The following TNFSF4 variants were observed in gnomAD, a reference collection of about 807,000 sequenced individuals.
The protein encoded by TNFSF4 is TNF superfamily member 4, also known as tumor necrosis factor ligand superfamily member 4.
TNFSF4 carries 4 observed loss-of-function variants against 7.3 expected under a neutral mutation model. That is an observed-to-expected ratio of 0.55 (90% CI 0.27 to 1.25). The LOEUF (loss-of-function observed/expected upper bound fraction) is 1.25. TNFSF4 is among the 50% of genes most tolerant of loss of function. The pLI is 0.12. For synonymous variants in TNFSF4, 76 were observed against 83.7 expected (o/e 0.91, Z 0.50); for missense variants, 181 against 208.8 (o/e 0.87, Z 0.82).
chr1:173,394,923 T>C, the TNFSF4 span, among the ~76,000 whole-genome samples: 2 of 148,360 alleles, frequency 1.3e-5, no homozygotes, highest in Non-Finnish European at 3.0e-5. Context: ...TAGATAGAGA[T>C]AGATAGATAG....
At position 173,184,598 on chromosome 1, in the gene TNFSF4, C is replaced by A. The variant is rs771499278; in HGVS notation, c.*1918G>T. ...ATTCCAAACTTAAAAATGAACCATG[C>A]ATTTTCTTAAATATTACCTATAGTC... On this transcript the variant is annotated 3_prime_UTR_variant, in exon 3 of 3. Transcript: ENST00000281834. 2 of 152,158 alleles carry A rather than the reference C, an allele frequency of 1.3e-5. No homozygotes were observed. Among genetic ancestry groups the A allele is most frequent in the Non-Finnish European group, 2.9e-5 (2 of 68,018 alleles). 9.4% of individuals were successfully genotyped at this position (152,158 alleles called of 1,614,324 possible).
the TNFSF4 span, among the ~76,000 whole-genome samples, chr1:173,250,281 T>C: frequency 3.3e-5 from 5 of 152,212 alleles, no homozygotes; most frequent in Non-Finnish European, 7.3e-5. Flanking sequence ...GGTGAATTCT[T>C]AGTTTAACTT....
chr1:173,383,599 G>C, the TNFSF4 span, among the ~76,000 whole-genome samples: 1 of 152,172 alleles, frequency 6.6e-6, no homozygotes, highest in Non-Finnish European at 1.5e-5. Context: ...TATTAAACCA[G>C]TTATTCTCAG....
the TNFSF4 span, among the ~76,000 whole-genome samples, chr1:173,340,342 A>G: frequency 6.6e-6 from 1 of 151,386 alleles, no homozygotes; most frequent in Admixed American, 6.6e-5. Flanking sequence ...ACACACACAC[A>G]CACACACACA....
chr1:173,429,963 T>A, the TNFSF4 span, among the ~76,000 whole-genome samples: 1 of 152,194 alleles, frequency 6.6e-6, no homozygotes, highest in Non-Finnish European at 1.5e-5. Flanking sequence ...AGATTGCTAC[T>A]CCTTATGAAG....
the TNFSF4 span, among the ~76,000 whole-genome samples, chr1:173,445,431 G>A: frequency 6.6e-6 from 1 of 152,280 alleles, no homozygotes; most frequent in East Asian, 1.9e-4. Context: ...TTAAGCTGAA[G>A]AACATAGAAA....
chr1:173,266,062 G>A, the TNFSF4 span, among the ~76,000 whole-genome samples: 9 of 151,998 alleles, frequency 5.9e-5, no homozygotes, highest in Admixed American at 1.3e-4. Context: ...AAACTATCCC[G>A]GATCACATGC....
chr1:173,381,558 C>T, the TNFSF4 span, among the ~76,000 whole-genome samples: 1 of 152,188 alleles, frequency 6.6e-6, no homozygotes, highest in African/African-American at 2.4e-5. Context: ...AATGGAACCC[C>T]AAATGAGCTC....
chr1:173,406,058 G>A, the TNFSF4 span, among the ~76,000 whole-genome samples: 1 of 152,160 alleles, frequency 6.6e-6, no homozygotes, highest in African/African-American at 2.4e-5. Context: ...GGTAAGGAGG[G>A]TGGGCCCAGA....
the TNFSF4 span, among the ~76,000 whole-genome samples, chr1:173,366,994 T>G: frequency 2.0e-5 from 3 of 152,218 alleles, no homozygotes; most frequent in African/African-American, 7.2e-5. Context: ...GGAGGGGCCC[T>G]CGCATGAGTA....
the TNFSF4 span, among the ~76,000 whole-genome samples, chr1:173,420,080 T>C: frequency 6.6e-6 from 1 of 152,212 alleles, no homozygotes; most frequent in Non-Finnish European, 1.5e-5. Context: ...ATTTTTTTTC[T>C]TTTTTCTTTG....
chr1:173,192,555 G>C (rs918571018), intron 1 of TNFSF4, among the ~76,000 whole-genome samples: 1 of 152,214 alleles, frequency 6.6e-6, no homozygotes, highest in Non-Finnish European at 1.5e-5. Context: ...CCAGGGGTTA[G>C]GAATGGGGGA....
chr1:173,416,241 A>G, the TNFSF4 span, among the ~76,000 whole-genome samples: 1 of 152,184 alleles, frequency 6.6e-6, no homozygotes, highest in East Asian at 1.9e-4. Context: ...GGTCTGCCCA[A>G]TATGTCACAG....
chr1:173,298,258 C>T, the TNFSF4 span, among the ~76,000 whole-genome samples: 1 of 151,890 alleles, frequency 6.6e-6, no homozygotes, highest in East Asian at 1.9e-4. Flanking sequence ...CAAAACTAAA[C>T]AAATACAGTG....
chr1:173,246,923 G>A, the TNFSF4 span, among the ~76,000 whole-genome samples: 1 of 152,068 alleles, frequency 6.6e-6, no homozygotes, highest in African/African-American at 2.4e-5. Context: ...GCCAAACTTG[G>A]CAGTATCTCT....
At chr1:173,336,519 T>G in the TNFSF4 span, among the ~76,000 whole-genome samples, 2 of 152,126 alleles carry the variant, frequency 1.3e-5, no homozygotes, top group African/African-American at 4.8e-5. Flanking sequence ...CAGAAGTAGT[T>G]TCAAGCAGTT....
At chr1:173,214,690 G>A in the TNFSF4 span, among the ~76,000 whole-genome samples, 40 of 152,308 alleles carry the variant, frequency 2.6e-4, no homozygotes, top group Admixed American at 2.6e-4. Flanking sequence ...CACAGGCCAC[G>A]GGTTGAACAA....
the TNFSF4 span, among the ~76,000 whole-genome samples, chr1:173,348,641 T>G: frequency 2.0e-5 from 3 of 152,122 alleles, no homozygotes; most frequent in Non-Finnish European, 4.4e-5. Flanking sequence ...GAAAAGCTAA[T>G]AAAGTGTATA....
the TNFSF4 span, among the ~76,000 whole-genome samples, chr1:173,351,393 C>T: frequency 6.6e-6 from 1 of 152,180 alleles, no homozygotes; most frequent in African/African-American, 2.4e-5. Flanking sequence ...TACTCTGTCA[C>T]AACATTTCTC....
Sources: allele counts gnomAD v4.1 joint callset (sites outside exome capture counted in the v4.1 genomes callset), GRCh38; gene constraint gnomAD v4.1.1; transcripts MANE v1.5; gene names NCBI Gene and HGNC (gene_info 2026-07-23, HGNC 2026-07-21).